Variants in DCC observed in about 807,000 individuals in gnomAD.
DCC encodes the protein netrin receptor DCC.
Under a neutral mutation model 172.5 loss-of-function variants are expected in DCC, and 58 were observed. That is an observed-to-expected ratio of 0.34 (90% CI 0.27 to 0.42). The LOEUF (loss-of-function observed/expected upper bound fraction) is 0.42, where lower values mean the gene tolerates loss of function less well. DCC is among the 10% of genes least tolerant of loss of function. The pLI, the probability that DCC is intolerant of heterozygous loss-of-function variation, is 1.00. For missense variants in DCC, 1,740 were observed against 1,791.0 expected (o/e 0.97, Z 0.51); for synonymous variants, 709 against 644.5 (o/e 1.10, Z -1.52).
At chr18:52,611,251 C>A (rs1190953202) in intron 1 of DCC, among the ~76,000 whole-genome samples, 3 of 152,094 alleles carry the variant, frequency 2.0e-5, no homozygotes, top group African/African-American at 7.2e-5. Context: ...AAAACTCCCT[C>A]CCTGCCATCT....
chr18:52,514,153 A>G (rs12454558), intron 1 of DCC, among the ~76,000 whole-genome samples: 3,059 of 152,032 alleles, frequency 0.02, 109 homozygotes, highest in East Asian at 0.096. Context: ...ATATATGTGT[A>G]TATATATATA....
chr18:52,482,972 A>T (rs939258511), intron 1 of DCC, among the ~76,000 whole-genome samples: 1 of 152,130 alleles, frequency 6.6e-6, no homozygotes, highest in Non-Finnish European at 1.5e-5. Context: ...CAGCTATGGA[A>T]ACCAGCAGTC....
At chr18:53,061,746 A>G (rs1426631736) in intron 5 of DCC, among the ~76,000 whole-genome samples, 1 of 152,112 alleles carries the variant, frequency 6.6e-6, no homozygotes, top group African/African-American at 2.4e-5. Flanking sequence ...TAATTTGGGG[A>G]AAGTTATTTA....
At chr18:52,902,122 C>T (rs970048327) in intron 2 of DCC, among the ~76,000 whole-genome samples, 2 of 152,130 alleles carry the variant, frequency 1.3e-5, no homozygotes, top group Non-Finnish European at 2.9e-5. Context: ...ATGTTTAGGA[C>T]ATCTACAAGT....
intron 7 of DCC, among the ~76,000 whole-genome samples, chr18:53,099,401 A>T (rs1283358494): frequency 6.6e-6 from 1 of 152,054 alleles, no homozygotes; most frequent in East Asian, 1.9e-4. Context: ...ACATGTTTTA[A>T]TTACATTGTA....
intron 2 of DCC, among the ~76,000 whole-genome samples, chr18:52,849,421 C>G (rs995079026): frequency 6.6e-6 from 1 of 152,134 alleles, no homozygotes; most frequent in Non-Finnish European, 1.5e-5. Context: ...TTTGTTTCTC[C>G]TTCTCTAACT....
intron 1 of DCC, among the ~76,000 whole-genome samples, chr18:52,709,556 G>GTA (rs2036261571): frequency 6.6e-6 from 1 of 152,154 alleles, no homozygotes; most frequent in Non-Finnish European, 1.5e-5. Context: ...GTGCTGGCCT[G>GTA]TGTGCTCTTC....
intron 5 of DCC, among the ~76,000 whole-genome samples, chr18:53,037,690 T>G (rs1418811502): frequency 6.6e-6 from 1 of 151,980 alleles, no homozygotes; most frequent in Non-Finnish European, 1.5e-5. Flanking sequence ...GAAAACCAAA[T>G]GATGCTATCT....
intron 5 of DCC, among the ~76,000 whole-genome samples, chr18:52,931,404 A>G (rs2040304978): frequency 6.7e-6 from 1 of 148,782 alleles, no homozygotes; most frequent in South Asian, 2.1e-4. Flanking sequence ...TGCTTATAAA[A>G]CTTTAATCAC....
At chr18:52,403,717 G>T (rs1163822046) in intron 1 of DCC, among the ~76,000 whole-genome samples, 1 of 152,086 alleles carries the variant, frequency 6.6e-6, no homozygotes, top group African/African-American at 2.4e-5. Flanking sequence ...GTGTGTATGT[G>T]TGTGTGTGTT....
chr18:52,850,278 C>T lies in DCC; in HGVS notation c.413-55766C>T, dbSNP rs183476215. Reference sequence around the variant, plus strand: ...GAAGTAAAGTTAATTAATCTGGAAGCACATCGTTTGTGTATAAGAAATTCA... The same window carrying T: ...GAAGTAAAGTTAATTAATCTGGAAGTACATCGTTTGTGTATAAGAAATTCA... On this transcript the variant is annotated intron_variant, in intron 2 of 28. Coordinates refer to ENST00000442544, the MANE Select transcript of DCC (RefSeq NM_005215.4). Among the ~76,000 whole-genome samples the T allele has an allele frequency of 4.6e-5, 7 of 152,256 alleles. No individual in the cohort carries two copies. The East Asian group carries it at 1.4e-3, about 29-fold the overall frequency.
chr18:53,327,050 T>G (rs1314291262), intron 14 of DCC, among the ~76,000 whole-genome samples: 1 of 152,196 alleles, frequency 6.6e-6, no homozygotes, highest in East Asian at 1.9e-4. Flanking sequence ...ATTTGCAGAT[T>G]GTTAAAGGAA....
At chr18:53,190,865 G>T (rs1239626143) in intron 9 of DCC, among the ~76,000 whole-genome samples, 1 of 152,162 alleles carries the variant, frequency 6.6e-6, no homozygotes, top group Non-Finnish European at 1.5e-5. Context: ...AGAATGGCGT[G>T]AACCTGGGAG....
Position 53,459,360 on chromosome 18 carries a change from C to G in DCC, c.3521C>G (p.Ala1174Gly). Residue 1174 changes from alanine to glycine, a missense_variant, in exon 24 of 29, where the codon GCA becomes GGA. Physicochemically the swap from Ala to Gly is moderately conservative, Grantham distance 60 (BLOSUM62 0). Around this residue, in one of 2 missense-constraint regions of DCC, gnomAD observed 1,732 missense variants for 1,767.4 expected, o/e 0.98. Coordinates refer to ENST00000442544, the MANE Select transcript of DCC (RefSeq NM_005215.4). The part of the protein sequence containing the change: ...NIEKPSGTDP[A>G]GRDSPIQSCQ... ...GAAAAGCCATCTGGCACTGACCCTG[C>G]AGGAAGGGACTCTCCCATCCAAAGT... The G allele has an allele frequency of 6.2e-7, 1 of 1,613,792 alleles. No homozygotes were observed. The highest frequency in any genetic ancestry group is 1.6e-4 in the Middle Eastern group (1 of 6,062).
rs145356025 is a variant in DCC at position 52,936,598 on chromosome 18, A to G, written c.985+11228A>G. Among the ~76,000 whole-genome samples the G allele has an allele frequency of 4.8e-4, 28 of 58,276 alleles. 3 individuals are homozygous for G. The highest frequency in any genetic ancestry group is 1.3e-3 in the African/African-American group (25 of 19,150). 38.2% of individuals were successfully genotyped at this position (58,276 alleles called of 152,430 possible). A position where few individuals can be genotyped will look rare whatever the true frequency, so the allele number is the denominator to read the frequency against. On this transcript the variant is annotated intron_variant, in intron 5 of 28. Coordinates refer to ENST00000442544, the MANE Select transcript of DCC (RefSeq NM_005215.4). Reference sequence around the variant, plus strand: ...AAGCAAAGTCTATGTACTAATACAGACCATTAAAAAGGCAATCTAAGAATA... The same window carrying G: ...AAGCAAAGTCTATGTACTAATACAGGCCATTAAAAAGGCAATCTAAGAATA...
chr18:53,090,713 A>T (rs1266719864), intron 7 of DCC, among the ~76,000 whole-genome samples: 1 of 108,912 alleles, frequency 9.2e-6, no homozygotes. Context: ...AAAAAAAAAA[A>T]AAAAAAAAAA....
rs148069063 is a variant in DCC, at chr18:53,168,213, G to A, written c.1418+10701G>A. ...ATTTGACCCAGCAATCCCATTACTGGGTATATACCCAAAGGATTATAAATC... is the reference window on the plus strand; with the variant it reads ...ATTTGACCCAGCAATCCCATTACTGAGTATATACCCAAAGGATTATAAATC... On this transcript the variant is annotated intron_variant, in intron 8 of 28. Transcript: ENST00000442544. 3.3e-3 allele frequency among the ~76,000 whole-genome samples: 504 copies of A among 152,098 alleles called. 2 individuals carry two copies. The highest frequency in any genetic ancestry group is 0.011 in the African/African-American group (474 of 41,496).
At chr18:52,700,004 A>G (rs1218466244) in intron 1 of DCC, among the ~76,000 whole-genome samples, 1 of 151,984 alleles carries the variant, frequency 6.6e-6, no homozygotes, top group Admixed American at 6.6e-5. Flanking sequence ...AATTAAGAGT[A>G]GAGCAATGTA....
chr18:52,540,155 G>A (rs1299880838), intron 1 of DCC, among the ~76,000 whole-genome samples: 1 of 152,084 alleles, frequency 6.6e-6, no homozygotes, highest in Non-Finnish European at 1.5e-5. Flanking sequence ...TCATTGCTTG[G>A]CCTGGAGCAG....
Sources: gnomAD v4.1 joint callset for allele counts (sites outside exome capture counted in the v4.1 genomes callset) on GRCh38, gnomAD v4.1.1 for gene constraint, gnomAD v4.1.1 regional missense constraint, MANE v1.5 for transcripts, NCBI Gene and HGNC (gene_info 2026-07-23, HGNC 2026-07-21) for gene names.